Variants in RNF13 observed in about 807,000 individuals in gnomAD.
RNF13 encodes the protein E3 ubiquitin-protein ligase RNF13.
Under a neutral mutation model 37.7 loss-of-function variants are expected in RNF13, and 19 were observed. The ratio of observed to expected loss-of-function variants is 0.50; its 90% CI spans 0.35 to 0.74. The LOEUF is 0.74. Among genes scored for constraint, RNF13 ranks in the 30% least tolerant of loss-of-function variants. The pLI is 0.01. For missense variants in RNF13, 375 were observed against 453.0 expected, an observed-to-expected ratio of 0.83 and a Z score of 1.56; for synonymous variants, 144 against 157.8, an observed-to-expected ratio of 0.91 and a Z score of 0.65.
intron 1 of RNF13, among the ~76,000 whole-genome samples, chr3:149,824,221 A>C (rs185873491): frequency 4.3e-4 from 66 of 152,366 alleles, no homozygotes; most frequent in Non-Finnish European, 7.8e-4. Context: ...TTGCCAAGAA[A>C]TGTGATAATT....
At chr3:149,894,307 G>A (rs891182899) in intron 4 of RNF13, among the ~76,000 whole-genome samples, 1 of 152,152 alleles carries the variant, frequency 6.6e-6, no homozygotes, top group Non-Finnish European at 1.5e-5. Flanking sequence ...CAACTGACCT[G>A]ACTGGGATTG....
At chr3:149,861,154 G>A (rs899346595) in intron 3 of RNF13, among the ~76,000 whole-genome samples, 6 of 151,804 alleles carry the variant, frequency 4.0e-5, no homozygotes, top group African/African-American at 1.5e-4. Context: ...CTCATACACT[G>A]TTGGTGGGAA....
intron 4 of RNF13, among the ~76,000 whole-genome samples, chr3:149,894,552 T>C (rs947252941): frequency 6.6e-6 from 1 of 152,124 alleles, no homozygotes; most frequent in Non-Finnish European, 1.5e-5. Flanking sequence ...GCCTGTTTCT[T>C]AAAAACACTT....
intron 8 of RNF13, 108 bp from the exon 9 acceptor site, chr3:149,959,948 G>A (rs1722218151): frequency 2.9e-6 from 2 of 683,140 alleles, no homozygotes; most frequent in East Asian, 5.4e-5. Flanking sequence ...TGAGTCCGAT[G>A]CAAAAGGCAT....
chr3:149,916,090 T>G (rs550117603), intron 7 of RNF13, among the ~76,000 whole-genome samples: 2 of 152,288 alleles, frequency 1.3e-5, no homozygotes, highest in South Asian at 4.1e-4. Flanking sequence ...AAAATAGTTT[T>G]TTTTTTTTAA....
chr3:149,912,138 A>T, intron 7 of RNF13, 55 bp downstream of exon 7: 1 of 831,986 alleles, frequency 1.2e-6, no homozygotes, highest in Non-Finnish European at 2.0e-6. Flanking sequence ...GAATCTAAAA[A>T]CATTGTATTG....
intron 1 of RNF13, among the ~76,000 whole-genome samples, chr3:149,832,763 A>G (rs1696612030): frequency 6.6e-6 from 1 of 152,210 alleles, no homozygotes; most frequent in Non-Finnish European, 1.5e-5. Context: ...ATTTTATGCC[A>G]AGAAATTGGA....
intron 4 of RNF13, among the ~76,000 whole-genome samples, chr3:149,880,013 T>C (rs1393283336): frequency 8.5e-5 from 13 of 152,226 alleles, no homozygotes; most frequent in Non-Finnish European, 1.3e-4. Context: ...TTTAGTACAG[T>C]GCCTACAATA....
intron 3 of RNF13, among the ~76,000 whole-genome samples, chr3:149,861,812 G>A (rs1305798557): frequency 1.3e-5 from 2 of 152,090 alleles, no homozygotes; most frequent in Non-Finnish European, 2.9e-5. Flanking sequence ...ACATAGAAAT[G>A]ATAAATACTC....
chr3:149,940,532 T>A (rs562522395), intron 8 of RNF13, among the ~76,000 whole-genome samples: 1 of 152,340 alleles, frequency 6.6e-6, no homozygotes, highest in South Asian at 2.1e-4. Flanking sequence ...TTACTTTCTT[T>A]ATGTAGATCT....
chr3:149,818,388 G>A (rs184395140), intron 1 of RNF13, among the ~76,000 whole-genome samples: 2 of 152,290 alleles, frequency 1.3e-5, no homozygotes, highest in Non-Finnish European at 2.9e-5. Flanking sequence ...ATTTTGCAGA[G>A]CATTTGAAGG....
intron 1 of RNF13, among the ~76,000 whole-genome samples, chr3:149,831,462 A>G (rs953190887): frequency 2.6e-5 from 4 of 152,170 alleles, no homozygotes; most frequent in Non-Finnish European, 5.9e-5. Flanking sequence ...GCTCTGCTGT[A>G]AAATTTCAGT....
intron 1 of RNF13, among the ~76,000 whole-genome samples, chr3:149,821,453 T>C (rs1229528410): frequency 2.0e-5 from 3 of 152,172 alleles, no homozygotes; most frequent in Non-Finnish European, 2.9e-5. Flanking sequence ...TTGTTGGCCA[T>C]GTGTGTATCT....
chr3:149,837,507 C>T (rs1480477367), intron 1 of RNF13, among the ~76,000 whole-genome samples: 2 of 152,146 alleles, frequency 1.3e-5, no homozygotes, highest in Non-Finnish European at 2.9e-5. Context: ...ACTTACAGTT[C>T]CACATCACTG....
At chr3:149,889,292 C>CATGTGTGTGT (rs1553761924) in intron 4 of RNF13, among the ~76,000 whole-genome samples, 1 of 138,224 alleles carries the variant, frequency 7.2e-6, no homozygotes, top group Middle Eastern at 4.0e-3. Context: ...TTTGAGTGTG[C>CATGTGTGTGT]GTGTGTGTGT....
intron 3 of RNF13, among the ~76,000 whole-genome samples, chr3:149,867,606 T>A (rs1711518444): frequency 6.6e-6 from 1 of 151,764 alleles, no homozygotes; most frequent in Admixed American, 6.6e-5. Flanking sequence ...GTAGTCTGTT[T>A]TATCTGATGT....
chr3:149,955,982 G>A (rs1479122877), intron 8 of RNF13, among the ~76,000 whole-genome samples: 1 of 151,972 alleles, frequency 6.6e-6, no homozygotes, highest in African/African-American at 2.4e-5. Context: ...CCAAATTCAG[G>A]TCCCCATCTA....
chr3:149,897,795 C>G (rs1321506527), intron 5 of RNF13, among the ~76,000 whole-genome samples: 1 of 152,082 alleles, frequency 6.6e-6, no homozygotes, highest in Non-Finnish European at 1.5e-5. Flanking sequence ...CCTAGGAATA[C>G]TGGTATCTTA....
At chr3:149,934,777 C>G (rs373366965) in intron 8 of RNF13, among the ~76,000 whole-genome samples, 1 of 151,830 alleles carries the variant, frequency 6.6e-6, no homozygotes, top group Non-Finnish European at 1.5e-5. Flanking sequence ...GCATGCACTA[C>G]TACACCCAGC....
Sources: allele counts gnomAD v4.1 joint callset (sites outside exome capture counted in the v4.1 genomes callset), GRCh38; gene constraint gnomAD v4.1.1; transcripts MANE v1.5; gene names NCBI Gene and HGNC (gene_info 2026-07-23, HGNC 2026-07-21).